The following ITK variants were observed in gnomAD, a reference collection of about 807,000 sequenced individuals.
ITK encodes IL2 inducible T cell kinase.
In ITK, 45 loss-of-function variants were observed where a neutral mutation model predicts 87.6. The observed-to-expected ratio is 0.51, with a 90% confidence interval of 0.40 to 0.66. The LOEUF is 0.66. ITK is among the 30% of genes least tolerant of loss of function. The pLI, the probability that ITK is intolerant of heterozygous loss-of-function variation, is 0.00. For missense variants in ITK, 605 were observed against 766.3 expected, an observed-to-expected ratio of 0.79 and a Z score of 2.48; for synonymous variants, 303 against 273.6, an observed-to-expected ratio of 1.11 and a Z score of -1.06.
At chr5:157,217,048 A>T (rs768255200) in intron 4 of ITK, among the ~76,000 whole-genome samples, 2 of 152,144 alleles carry the variant, frequency 1.3e-5, no homozygotes, top group East Asian at 3.9e-4. Flanking sequence ...ATTAGCCTGA[A>T]GTCTGTGCAG....
At position 157,245,699 on chromosome 5, in the gene ITK, G is replaced by A. The variant is rs370706088; in HGVS notation, c.1450-27G>A. ...TGACTCATCAACAGTTTTCCTCTCC[G>A]CCTTTGTTTGCCTGTCTCCTCTCCA... On this transcript the variant is annotated intron_variant, in intron 13 of 16. Transcript: ENST00000422843. 1.7e-4 allele frequency: 275 copies of A among 1,603,592 alleles called. No individual in the cohort carries two copies. In the African/African-American group the frequency reaches 1.7e-3, roughly 10 times the overall value.
At chr5:157,209,588 GA>G (rs1754147787) in intron 2 of ITK, among the ~76,000 whole-genome samples, 2 of 152,132 alleles carry the variant, frequency 1.3e-5, no homozygotes, top group Admixed American at 1.3e-4. Flanking sequence ...AGTGAAGGAA[GA>G]AATAAAGCTG....
At chr5:157,235,394 T>G (rs1250357254) in intron 8 of ITK, among the ~76,000 whole-genome samples, 1 of 152,236 alleles carries the variant, frequency 6.6e-6, no homozygotes, top group East Asian at 1.9e-4. Context: ...GCCCTAGCTA[T>G]GGAACGTGGT....
intron 5 of ITK, among the ~76,000 whole-genome samples, chr5:157,222,090 A>G (rs1350421021): frequency 6.6e-6 from 1 of 152,178 alleles, no homozygotes; most frequent in Non-Finnish European, 1.5e-5. Flanking sequence ...TAAATGCTTC[A>G]ATGTACTCAG....
chr5:157,253,810 A>T lies in ITK; in HGVS notation c.*1132A>T, dbSNP rs771492029. The T allele has an allele frequency of 9.1e-6, 2 of 220,554 alleles. No homozygotes were observed. Among genetic ancestry groups the T allele is most frequent in the African/African-American group, 2.2e-5 (1 of 44,684 alleles). 13.7% of individuals were successfully genotyped at this position (220,554 alleles called of 1,614,324 possible). ...TTGCTCAAACCATCAGGATGGAAACAGTCAGGCACTGACTGGGGTGCTTCC... is the reference window on the plus strand; with the variant it reads ...TTGCTCAAACCATCAGGATGGAAACTGTCAGGCACTGACTGGGGTGCTTCC... On this transcript the variant is annotated 3_prime_UTR_variant, in exon 17 of 17. Transcript: ENST00000422843.
At chr5:157,225,242 G>A (rs754158684) in intron 6 of ITK, among the ~76,000 whole-genome samples, 13 of 152,006 alleles carry the variant, frequency 8.6e-5, no homozygotes, top group African/African-American at 2.2e-4. Flanking sequence ...AAATTCTCCC[G>A]CTTTAGCCTC....
At chr5:157,251,750 G>T (rs563755575) in intron 16 of ITK, among the ~76,000 whole-genome samples, 30 of 152,280 alleles carry the variant, frequency 2.0e-4, no homozygotes, top group East Asian at 1.2e-3. Flanking sequence ...AGCCCTGTTT[G>T]TTGAAAAGAC....
chr5:157,247,100 A>G (rs1211079074), intron 15 of ITK, among the ~76,000 whole-genome samples: 2 of 152,226 alleles, frequency 1.3e-5, no homozygotes, highest in Non-Finnish European at 2.9e-5. Flanking sequence ...GTATGAAGGA[A>G]GGGTTTGACA....
intron 8 of ITK, among the ~76,000 whole-genome samples, chr5:157,233,761 G>A (rs1315219125): frequency 6.6e-6 from 1 of 151,456 alleles, no homozygotes; most frequent in Admixed American, 6.6e-5. Context: ...AACAAGTATA[G>A]TTTTGTTATA....
At chr5:157,189,223 C>A (rs1753703969) in intron 1 of ITK, among the ~76,000 whole-genome samples, 1 of 152,120 alleles carries the variant, frequency 6.6e-6, no homozygotes, top group Non-Finnish European at 1.5e-5. Flanking sequence ...TGGAGATAAC[C>A]GTTGTATTGA....
chr5:157,193,922 C>CT (rs1753802038), intron 1 of ITK, among the ~76,000 whole-genome samples: 1 of 152,146 alleles, frequency 6.6e-6, no homozygotes, highest in South Asian at 2.1e-4. Context: ...AAGAAGAGGA[C>CT]TGAACACTTT....
At position 157,205,404 on chromosome 5, in the gene ITK, C is replaced by A. The variant is rs545894262; in HGVS notation, c.139-3485C>A. Among the ~76,000 whole-genome samples, 13 of 151,908 alleles carry A rather than the reference C, an allele frequency of 8.6e-5. No individual in the cohort carries two copies. The East Asian group carries it at 2.5e-3, about 29-fold the overall frequency. On this transcript the variant is annotated intron_variant, in intron 1 of 16. Coordinates refer to ENST00000422843, the MANE Select transcript of ITK (RefSeq NM_005546.4). ...GGCCACAATCCTGAACACCATAATCCCAAATATTGAAATACAAAATGTAAA... is the reference window on the plus strand; with the variant it reads ...GGCCACAATCCTGAACACCATAATCACAAATATTGAAATACAAAATGTAAA...
intron 7 of ITK, among the ~76,000 whole-genome samples, chr5:157,229,161 G>T (rs774476404): frequency 7.2e-5 from 11 of 152,124 alleles, no homozygotes; most frequent in Non-Finnish European, 1.6e-4. Flanking sequence ...GCCAACTAAT[G>T]AATGATAAAG....
intron 13 of ITK, chr5:157,244,968 G>A (rs1754992760): frequency 1.0e-5 from 2 of 197,564 alleles, no homozygotes; most frequent in Admixed American, 1.1e-4. Context: ...GCTCATGCCT[G>A]TACTCCCAGC....
intron 6 of ITK, among the ~76,000 whole-genome samples, chr5:157,223,441 T>C (rs1754467041): frequency 6.6e-6 from 1 of 151,974 alleles, no homozygotes; most frequent in South Asian, 2.1e-4. Flanking sequence ...TACAGATTGA[T>C]AGTTATGTTA....
At chr5:157,214,137 C>G (rs1428699363) in intron 3 of ITK, 54 bp from the exon 4 acceptor site, 2 of 1,500,124 alleles carry the variant, frequency 1.3e-6, no homozygotes, top group Non-Finnish European at 1.9e-6. Context: ...AAATTGGTAG[C>G]CCTTGATAGA....
At position 157,211,399 on chromosome 5, in the gene ITK, GAC is replaced by G; in HGVS notation, c.325+34_325+35del. On this transcript the variant is annotated intron_variant, in intron 3 of 16. Coordinates refer to ENST00000422843, the MANE Select transcript of ITK (RefSeq NM_005546.4). ...TAAACTCCTTTGCCATTGAATCACT[GAC>G]ACTCTTGATCCTATAGTAGGGTTGG... is the stretch of plus-strand genomic sequence containing the variant. The G allele has an allele frequency of 2.0e-6, 3 of 1,530,116 alleles. No individual in the cohort carries two copies. In the South Asian group the frequency reaches 3.4e-5, roughly 17 times the overall value. 94.8% of individuals were successfully genotyped at this position (1,530,116 alleles called of 1,614,324 possible).
intron 10 of ITK, chr5:157,240,519 G>A: frequency 2.5e-6 from 1 of 406,718 alleles, no homozygotes; most frequent in South Asian, 2.5e-5. Context: ...CAAAGCCAGA[G>A]GGCACCTGGG....
rs1214104954 is a variant in ITK at position 157,254,253 on chromosome 5, A to G, written c.*1575A>G. ...TTGATGGCATGGCCCTCCAACTTGG[A>G]ATAGGATTTTCCTTTTCCTATTCTG... On this transcript the variant is annotated 3_prime_UTR_variant, in exon 17 of 17. Coordinates refer to ENST00000422843, the MANE Select transcript of ITK (RefSeq NM_005546.4). 4.4e-6 allele frequency: 1 copy of G among 229,478 alleles called. No individual in the cohort carries two copies. The highest frequency in any genetic ancestry group is 8.6e-6 in the Non-Finnish European group (1 of 115,690). The allele number at this position is 229,478 out of a possible 1,614,324, so 14.2% of individuals were successfully genotyped here.
Sources: allele counts gnomAD v4.1 joint callset (sites outside exome capture counted in the v4.1 genomes callset), GRCh38; gene constraint gnomAD v4.1.1; transcripts MANE v1.5; gene names NCBI Gene and HGNC (gene_info 2026-07-23, HGNC 2026-07-21).